Variants in HGD observed in about 807,000 individuals in gnomAD.
The protein encoded by HGD is homogentisate oxidase.
Under a neutral mutation model 60.8 loss-of-function variants are expected in HGD, and 61 were observed. The observed-to-expected ratio is 1.00, with a 90% CI of 0.82 to 1.24. The LOEUF (loss-of-function observed/expected upper bound fraction) is 1.24. HGD is among the 50% of genes most tolerant of loss of function. HGD has a pLI of 0.00. For synonymous variants in HGD, 212 were observed against 187.7 expected (o/e 1.13, Z -1.06); for missense variants, 542 against 547.1 (o/e 0.99, Z 0.09).
At chr3:120,649,675 C>A (rs148910367) in intron 6 of HGD, among the ~76,000 whole-genome samples, 3,231 of 152,204 alleles carry the variant, frequency 0.021, 50 homozygotes, top group Middle Eastern at 0.041. Context: ...TGAAAGGCAC[C>A]CTGGGTGACT....
chr3:120,664,705 A>G (rs1707859901), intron 4 of HGD, among the ~76,000 whole-genome samples: 1 of 152,102 alleles, frequency 6.6e-6, no homozygotes, highest in African/African-American at 2.4e-5. Context: ...TGCTGGGATT[A>G]CAGGCATGAG....
At chr3:120,643,567 C>T (rs949462215) in intron 10 of HGD, among the ~76,000 whole-genome samples, 5 of 152,156 alleles carry the variant, frequency 3.3e-5, no homozygotes, top group Non-Finnish European at 5.9e-5. Flanking sequence ...TGGTTGGCCT[C>T]GGCTGGTTGG....
chr3:120,651,562 T>C (rs1576300291), intron 5 of HGD, among the ~76,000 whole-genome samples: 1 of 152,324 alleles, frequency 6.6e-6, no homozygotes, highest in East Asian at 1.9e-4. Flanking sequence ...AGGGTATATT[T>C]AAGTGAGTCT....
In HGD at chr3:120,633,087, C is replaced by A. The variant is rs567035915; in HGVS notation, c.1188+60G>T. On this transcript the variant is annotated intron_variant, in intron 13 of 13. Transcript: ENST00000283871. ...CTTTGGAGAAATGAAAAACGGCCACCCCTCTCAGTAAGGGTGGGGAGTTCA... is the reference window on the plus strand; with the variant it reads ...CTTTGGAGAAATGAAAAACGGCCACACCTCTCAGTAAGGGTGGGGAGTTCA... 52 of 1,510,936 alleles carry A rather than the reference C, an allele frequency of 3.4e-5. No homozygotes were observed. In the Middle Eastern group the frequency reaches 5.3e-4, roughly 15 times the overall value. The allele number at this position is 1,510,936 out of a possible 1,614,324, so 93.6% of individuals were successfully genotyped here.
At chr3:120,665,863 T>C (rs1327920723) in intron 4 of HGD, among the ~76,000 whole-genome samples, 1 of 152,180 alleles carries the variant, frequency 6.6e-6, no homozygotes, top group South Asian at 2.1e-4. Flanking sequence ...GGTGAAGACA[T>C]ACCTATCACA....
chr3:120,639,669 C>CTTT (rs1377407882), intron 11 of HGD, among the ~76,000 whole-genome samples: 30 of 152,114 alleles, frequency 2.0e-4, no homozygotes, highest in African/African-American at 7.2e-4. Context: ...AAGCAAAATC[C>CTTT]AAGTTTTGGT....
chr3:120,656,067 C>T (rs1941486951), intron 4 of HGD, among the ~76,000 whole-genome samples: 1 of 152,160 alleles, frequency 6.6e-6, no homozygotes, highest in Admixed American at 6.5e-5. Context: ...ATGTGGGGCC[C>T]TAATCTGATA....
At chr3:120,655,345 AG>A (rs1433990900) in intron 4 of HGD, among the ~76,000 whole-genome samples, 1 of 152,210 alleles carries the variant, frequency 6.6e-6, no homozygotes, top group African/African-American at 2.4e-5. Context: ...TACCTTCAAT[AG>A]GGCCCACAAT....
At chr3:120,670,965 T>A (rs2107549641) in intron 3 of HGD, among the ~76,000 whole-genome samples, 1 of 152,306 alleles carries the variant, frequency 6.6e-6, no homozygotes, top group South Asian at 2.1e-4. Flanking sequence ...AGAATATGGG[T>A]GGTATCTTTG....
rs2075504 is a variant in HGD at position 120,644,528 on chromosome 3, T to C, written c.650-85A>G. On this transcript the variant is annotated intron_variant, in intron 9 of 13. Coordinates refer to ENST00000283871, the MANE Select transcript of HGD (RefSeq NM_000187.4). The stretch of plus-strand genomic sequence containing the variant: ...TGGTTGCATGAAGAGAAAGGCTTTC[T>C]TTCATGTCAAGAGCTACTCCACAAA... 21,044 of 1,602,880 alleles carry C rather than the reference T, an allele frequency of 0.013. 2,062 individuals are homozygous for C. In the East Asian group the frequency reaches 0.28, roughly 21 times the overall value.
At chr3:120,680,251 T>C (rs1708208649) in intron 1 of HGD, among the ~76,000 whole-genome samples, 1 of 152,250 alleles carries the variant, frequency 6.6e-6, no homozygotes, top group African/African-American at 2.4e-5. Context: ...GGCTTTGTGT[T>C]GACATATTCA....
At chr3:120,676,725 C>G (rs1708138256) in intron 1 of HGD, among the ~76,000 whole-genome samples, 2 of 152,158 alleles carry the variant, frequency 1.3e-5, no homozygotes, top group African/African-American at 4.8e-5. Context: ...AACTTAAATA[C>G]CAATTGATTT....
intron 4 of HGD, among the ~76,000 whole-genome samples, chr3:120,669,708 A>G (rs1707983090): frequency 2.6e-5 from 4 of 151,910 alleles, no homozygotes; most frequent in African/African-American, 9.7e-5. Flanking sequence ...TCTGTACATC[A>G]CTTTCCTTTT....
intron 13 of HGD, among the ~76,000 whole-genome samples, chr3:120,630,348 G>A (rs920064407): frequency 6.6e-6 from 1 of 152,094 alleles, no homozygotes; most frequent in Non-Finnish European, 1.5e-5. Flanking sequence ...CAAAGCAGGA[G>A]GCATCATGCT....
chr3:120,628,626 T>C, intron 13 of HGD, 97 bp from the exon 14 acceptor site: 1 of 1,358,578 alleles, frequency 7.4e-7, no homozygotes. Flanking sequence ...AGGTGAAATC[T>C]TCCAATAACA....
At chr3:120,641,549 C>A in intron 11 of HGD, 40 bp downstream of exon 11, 1 of 1,269,106 alleles carries the variant, frequency 7.9e-7, no homozygotes, top group Non-Finnish European at 1.2e-6. Flanking sequence ...CCCACCCAAG[C>A]GTTGCCTCAT....
At chr3:120,649,052 C>T (rs968372556) in intron 6 of HGD, among the ~76,000 whole-genome samples, 2 of 151,730 alleles carry the variant, frequency 1.3e-5, no homozygotes, top group Non-Finnish European at 2.9e-5. Context: ...CTTGATTTTT[C>T]CCTCCTAGGA....
intron 7 of HGD, 148 bp downstream of exon 7, chr3:120,647,729 T>C: frequency 1.4e-6 from 1 of 738,414 alleles, no homozygotes; most frequent in Non-Finnish European, 2.5e-6. Context: ...CCAGACCACC[T>C]GTGGCCTCTA....
chr3:120,664,845 T>C (rs946650473), intron 4 of HGD, among the ~76,000 whole-genome samples: 1 of 152,246 alleles, frequency 6.6e-6, no homozygotes, highest in African/African-American at 2.4e-5. Flanking sequence ...TTAGAAGTTG[T>C]TAACTCTGTG....
Sources: allele counts gnomAD v4.1 joint callset (sites outside exome capture counted in the v4.1 genomes callset), GRCh38; gene constraint gnomAD v4.1.1; transcripts MANE v1.5; gene names NCBI Gene and HGNC (gene_info 2026-07-23, HGNC 2026-07-21).